Variants in ADAMTS10 observed in about 807,000 individuals in gnomAD.
ADAMTS10 encodes the protein A disintegrin and metalloproteinase with thrombospondin motifs 10.
Under a neutral mutation model 135.9 loss-of-function variants are expected in ADAMTS10, and 48 were observed. The observed-to-expected ratio is 0.35, with a 90% CI of 0.28 to 0.45. The LOEUF (loss-of-function observed/expected upper bound fraction) is 0.45. Among genes scored for constraint, ADAMTS10 ranks in the 20% least tolerant of loss-of-function variants. The pLI is 1.00. For missense variants in ADAMTS10, 1,131 were observed against 1,565.2 expected, an observed-to-expected ratio of 0.72 and a Z score of 4.68; for synonymous variants, 621 against 647.5, an observed-to-expected ratio of 0.96 and a Z score of 0.62.
chr19:8,586,508 T>C, intron 20 of ADAMTS10, 38 bp from the exon 21 acceptor site: 1 of 1,613,214 alleles, frequency 6.2e-7, no homozygotes, highest in Non-Finnish European at 8.5e-7. Flanking sequence ...AAGGATCGCA[T>C]GGAGTCTCTA....
At chr19:8,604,973 A>G in intron 4 of ADAMTS10, 39 bp downstream of exon 4, 6 of 1,548,880 alleles carry the variant, frequency 3.9e-6, no homozygotes, top group Non-Finnish European at 5.3e-6. Context: ...TTCCAAACTT[A>G]TGGGCATTTC....
At chr19:8,592,932 C>A in intron 12 of ADAMTS10, 62 bp from the exon 13 acceptor site, 1 of 1,494,366 alleles carries the variant, frequency 6.7e-7, no homozygotes, top group South Asian at 1.2e-5. Flanking sequence ...GCAGCCCGCC[C>A]GGCTTGGGAG....
In ADAMTS10 at chr19:8,601,195, G is replaced by T. The variant is rs1555741557; in HGVS notation, c.593-50C>A. ...AGCCCTGCCCTGCTGGTGGGACGCA[G>T]AGCTGCCTGACAACTGTCTTGTCCA... On this transcript the variant is annotated intron_variant, in intron 5 of 25. Coordinates refer to ENST00000597188, the MANE Select transcript of ADAMTS10 (RefSeq NM_030957.4). The surrounding 1 kb of genome is among the most constrained non-coding windows in gnomAD (Gnocchi z 4.6). 6.3e-6 allele frequency: 10 copies of T among 1,589,756 alleles called. No homozygotes were observed. The South Asian group carries it at 1.1e-4, about 18-fold the overall frequency.
chr19:8,590,140 C>T (rs2042503678), intron 15 of ADAMTS10, 149 bp from the exon 16 acceptor site: 1 of 659,076 alleles, frequency 1.5e-6, no homozygotes, highest in Non-Finnish European at 2.7e-6. Context: ...GAGACTAGGC[C>T]TGGAAGGTAG....
Position 8,596,653 on chromosome 19 carries a change from C to A in ADAMTS10, c.1041-68G>T. 2 of 1,580,388 alleles carry A rather than the reference C, an allele frequency of 1.3e-6. No homozygotes were observed. The highest frequency in any genetic ancestry group is 1.1e-5 in the South Asian group (1 of 88,162). On this transcript the variant is annotated intron_variant, in intron 8 of 25. Transcript: ENST00000597188. The surrounding 1 kb of genome is among the most constrained non-coding windows in gnomAD (Gnocchi z 7.2). ...CCTAAGCCCTGCTGATGCCACCATGCCCAGCTCTGGGGGTTGAGTCCTGCC... is the reference window on the plus strand; with the variant it reads ...CCTAAGCCCTGCTGATGCCACCATGACCAGCTCTGGGGGTTGAGTCCTGCC...
At chr19:8,592,256 G>A (rs1156603964) in intron 13 of ADAMTS10, 153 bp from the exon 14 acceptor site, 6 of 1,436,342 alleles carry the variant, frequency 4.2e-6, no homozygotes, top group Admixed American at 2.2e-5. Context: ...GTCAGGTTAC[G>A]TAGGAGAGTG....
At chr19:8,600,719 C>A (rs544637326) in intron 6 of ADAMTS10, among the ~76,000 whole-genome samples, 1 of 151,912 alleles carries the variant, frequency 6.6e-6, no homozygotes, top group Non-Finnish European at 1.5e-5. Context: ...AGGATGGTCT[C>A]CATCTCCTGA....
chr19:8,610,370 C>T (rs1361367439), intron 1 of ADAMTS10, among the ~76,000 whole-genome samples: 1 of 151,654 alleles, frequency 6.6e-6, no homozygotes, highest in Non-Finnish European at 1.5e-5. Context: ...GACTCATCCC[C>T]AGGCACTGAC....
rs563969164 is a variant in ADAMTS10, at chr19:8,591,977, G to A, written c.1714C>T (p.Arg572Cys). The change falls in exon 14 of 26, where the codon CGT becomes TGT. Residue 572 changes from arginine (R) to cysteine (C), a missense_variant. Arg to Cys is a radical substitution (Grantham distance 180). Transcript: ENST00000597188. The stretch of plus-strand genomic sequence containing the variant: ...GCTGACCTGGGGCTGTCGCAGTGAC[G>A]GCTAGAAGAGGACACGCCGCCGCCA... Reference protein sequence around the residue: ...TCGGGVSSSSRHCDSPRPTIG... With the variant: ...TCGGGVSSSSCHCDSPRPTIG... The A allele has an allele frequency of 6.2e-7, 1 of 1,613,406 alleles. No individual in the cohort carries two copies. Among genetic ancestry groups the A allele is most frequent in the Non-Finnish European group, 8.5e-7 (1 of 1,179,788 alleles).
chr19:8,593,096 C>T (rs1555739558), intron 12 of ADAMTS10: 1 of 599,642 alleles, frequency 1.7e-6, no homozygotes, highest in East Asian at 2.8e-5. Context: ...TTATACATGC[C>T]ATATACCTCT....
Position 8,592,770 on chromosome 19 carries a change from T to A in ADAMTS10, c.1580A>T (p.Asp527Val). Residue 527 changes from aspartate (D) to valine (V), a missense_variant, in exon 13 of 26, where the codon GAC (aspartate) becomes GTC (valine). Coordinates refer to ENST00000597188, the MANE Select transcript of ADAMTS10 (RefSeq NM_030957.4). ...EGTLCQTHTIDKGWCYKRVCV... is the reference protein window; with the variant it reads ...EGTLCQTHTIVKGWCYKRVCV... The stretch of plus-strand genomic sequence containing the variant: ...GCCCTGGCCGGCGCTCACCCCCTTG[T>A]CGATGGTGTGCGTCTGGCACAGCGT... 1 of 1,611,712 alleles carries A rather than the reference T, an allele frequency of 6.2e-7. No individual in the cohort carries two copies.
intron 25 of ADAMTS10, among the ~76,000 whole-genome samples, chr19:8,583,591 A>T (rs1398247304): frequency 2.0e-5 from 3 of 152,122 alleles, no homozygotes; most frequent in Non-Finnish European, 4.4e-5. Flanking sequence ...TCACGCCTGT[A>T]ATCCCAGCAC....
intron 6 of ADAMTS10, among the ~76,000 whole-genome samples, chr19:8,600,717 C>G (rs1335331796): frequency 2.6e-5 from 4 of 151,976 alleles, no homozygotes; most frequent in East Asian, 1.9e-4. Flanking sequence ...CCAGGATGGT[C>G]TCCATCTCCT....
At chr19:8,585,711 C>A in intron 22 of ADAMTS10, 51 bp from the exon 23 acceptor site, 3 of 1,569,614 alleles carry the variant, frequency 1.9e-6, no homozygotes, top group Non-Finnish European at 2.6e-6. Context: ...GGGGTCCCAA[C>A]ACAACAGCAG....
Position 8,605,624 on chromosome 19 carries a change from T to C in ADAMTS10, c.87A>G (p.Gln29=). The C allele has an allele frequency of 6.2e-7, 1 of 1,611,162 alleles. No individual in the cohort carries two copies. The highest frequency in any genetic ancestry group is 8.5e-7 in the Non-Finnish European group (1 of 1,178,814). The stretch of plus-strand genomic sequence containing the variant: ...CCGCCACCACCAGACTTCCCCTACC[T>C]TGAGACCGGAAGGCGTGCGTGACCT... ...MFEVTHAFRS[Q]DEFLSSLESY... is the part of the protein sequence containing the mutation. Residue 29 remains glutamine (Q), a splice_region_variant and synonymous_variant, in exon 3 of 26, where the codon CAA becomes CAG. Coordinates refer to ENST00000597188, the MANE Select transcript of ADAMTS10 (RefSeq NM_030957.4). This position sits in a 1 kb window ranked among gnomAD's most constrained non-coding sequence, Gnocchi z 7.7.
chr19:8,596,551 C>T lies in ADAMTS10; in HGVS notation c.1075G>A (p.Gly359Ser), dbSNP rs529730611. Residue 359 changes from glycine (G) to serine (S), a missense_variant, in exon 9 of 26, where the codon GGC becomes AGC. By Grantham distance (56) the Gly-to-Ser change is moderately conservative. Coordinates refer to ENST00000597188, the MANE Select transcript of ADAMTS10 (RefSeq NM_030957.4). The surrounding 1 kb of genome is among the most constrained non-coding windows in gnomAD (Gnocchi z 7.2). ...TACGGGGCTCGGGTACCTAGTGTGC[C>T]GCAGGGTTTGTTCTTGTAGATGCAG... ...DICIYKNKPC[G>S]TLGLAPVGGM... The T allele has an allele frequency of 2.0e-5, 32 of 1,613,662 alleles. No homozygotes were observed. Among genetic ancestry groups the T allele is most frequent in the Admixed American group, 1.3e-4 (8 of 59,974 alleles).
Position 8,597,307 on chromosome 19 carries a change from A to C in ADAMTS10, c.821T>G (p.Leu274Arg). 6.2e-7 allele frequency: 1 copy of C among 1,613,906 alleles called. No individual in the cohort carries two copies. Among genetic ancestry groups the C allele is most frequent in the Non-Finnish European group, 8.5e-7 (1 of 1,179,948 alleles). ...GCTTCCCAGACTCGAGTCCTGGAAA[A>C]GTTTGGCAACCTGACCTCCAAGAAA... Reference protein sequence around the residue: ...VLAIMNIVAKLFQDSSLGSTV... With the variant: ...VLAIMNIVAKRFQDSSLGSTV... Residue 274 changes from leucine (L) to arginine (R), a missense_variant, in exon 7 of 26, where the codon CTT (leucine) becomes CGT (arginine). Leu to Arg is a moderately radical substitution (Grantham distance 102). Transcript: ENST00000597188.
intron 6 of ADAMTS10, 112 bp downstream of exon 6, chr19:8,600,816 C>T: frequency 1.1e-5 from 15 of 1,378,464 alleles, no homozygotes; most frequent in Non-Finnish European, 1.5e-5. Context: ...TCCTTTCTAC[C>T]CCTGTCCCCA....
At chr19:8,609,168 G>A (rs2042753550) in intron 1 of ADAMTS10, among the ~76,000 whole-genome samples, 1 of 148,756 alleles carries the variant, frequency 6.7e-6, no homozygotes, top group African/African-American at 2.5e-5. Context: ...GTGAGTGTGT[G>A]TGACCCTGTG....
Sources: allele counts gnomAD v4.1 joint callset (sites outside exome capture counted in the v4.1 genomes callset), GRCh38; gene constraint gnomAD v4.1.1; non-coding constraint Gnocchi (gnomAD v3.1); transcripts MANE v1.5; gene names NCBI Gene and HGNC (gene_info 2026-07-23, HGNC 2026-07-21).